The following CADM2 variants were observed in gnomAD, a reference collection of about 807,000 sequenced individuals.
CADM2 encodes the protein cell adhesion molecule 2.
CADM2 carries 12 observed loss-of-function variants against 49.8 expected under a neutral mutation model. That is an observed-to-expected ratio of 0.24 (90% CI 0.15 to 0.39). CADM2 has a LOEUF of 0.39. Among genes scored for constraint, CADM2 ranks in the 10% least tolerant of loss-of-function variants. CADM2 has a pLI of 1.00. For missense variants in CADM2, 378 were observed against 492.3 expected, an observed-to-expected ratio of 0.77 and a Z score of 2.20; for synonymous variants, 214 against 175.4, an observed-to-expected ratio of 1.22 and a Z score of -1.74.
intron 1 of CADM2, among the ~76,000 whole-genome samples, chr3:85,199,039 A>G (rs2041417450): frequency 6.6e-6 from 1 of 151,838 alleles, no homozygotes; most frequent in South Asian, 2.1e-4. Flanking sequence ...TATAAATTTA[A>G]CTTCTATTAG....
rs951847100 is a variant in CADM2, at chr3:85,982,283, T to C, written c.970+20636T>C. ...AACTTTACACCATGGATGCTTAAAG[T>C]GCTCAGATAATTTATTTTTCCCTTA... On this transcript the variant is annotated intron_variant, in intron 8 of 9. Coordinates refer to ENST00000383699, the MANE Select transcript of CADM2 (RefSeq NM_001167675.2). 2.0e-5 allele frequency among the ~76,000 whole-genome samples: 3 copies of C among 151,670 alleles called. No individual in the cohort carries two copies. In the East Asian group the frequency reaches 5.8e-4, roughly 29 times the overall value.
At chr3:85,674,780 A>G (rs1243003117) in intron 1 of CADM2, among the ~76,000 whole-genome samples, 4 of 152,146 alleles carry the variant, frequency 2.6e-5, no homozygotes, top group African/African-American at 9.6e-5. Flanking sequence ...CTTTCTTACC[A>G]CATTCATATC....
chr3:85,137,813 A>C (rs1033445922), intron 1 of CADM2, among the ~76,000 whole-genome samples: 1 of 152,134 alleles, frequency 6.6e-6, no homozygotes, highest in African/African-American at 2.4e-5. Context: ...CATCAAGAAT[A>C]TTTTGGCTGA....
At position 85,361,252 on chromosome 3, in the gene CADM2, A is replaced by G. The variant is rs962555834; in HGVS notation, c.62-365270A>G. 3.3e-5 allele frequency among the ~76,000 whole-genome samples: 5 copies of G among 152,306 alleles called. No individual in the cohort carries two copies. In the South Asian group the frequency reaches 8.3e-4, roughly 25 times the overall value. ...GGGGCAGAGGCAGCAGCGAGAGAGGAACTTTTTAAATAATATTTTCATGGA... is the reference window on the plus strand; with the variant it reads ...GGGGCAGAGGCAGCAGCGAGAGAGGGACTTTTTAAATAATATTTTCATGGA... On this transcript the variant is annotated intron_variant, in intron 1 of 9. Transcript: ENST00000383699.
intron 6 of CADM2, among the ~76,000 whole-genome samples, chr3:85,924,217 A>G (rs533503562): frequency 2.6e-5 from 4 of 152,324 alleles, no homozygotes; most frequent in African/African-American, 9.6e-5. Context: ...AAGAACACAA[A>G]TTATGAAATA....
At chr3:86,041,982 G>T (rs995664655) in intron 8 of CADM2, among the ~76,000 whole-genome samples, 2 of 151,970 alleles carry the variant, frequency 1.3e-5, no homozygotes, top group African/African-American at 4.8e-5. Flanking sequence ...ATGACTACAG[G>T]GTACATAATG....
At chr3:85,908,959 C>T (rs1228064486) in intron 5 of CADM2, among the ~76,000 whole-genome samples, 4 of 152,048 alleles carry the variant, frequency 2.6e-5, no homozygotes, top group African/African-American at 9.7e-5. Flanking sequence ...ATCCTGACCT[C>T]GTGATCCTCC....
intron 1 of CADM2, among the ~76,000 whole-genome samples, chr3:85,119,557 G>A (rs1279474708): frequency 2.0e-5 from 3 of 152,020 alleles, no homozygotes; most frequent in Admixed American, 6.6e-5. Flanking sequence ...TTAGCTTGAT[G>A]GGGATAGCAC....
intron 1 of CADM2, among the ~76,000 whole-genome samples, chr3:84,990,708 G>A (rs1047293496): frequency 6.6e-6 from 1 of 152,054 alleles, no homozygotes; most frequent in Non-Finnish European, 1.5e-5. Flanking sequence ...AGGAATCAAA[G>A]TGATTGATAA....
intron 1 of CADM2, among the ~76,000 whole-genome samples, chr3:85,306,605 T>A (rs1047774696): frequency 5.9e-5 from 9 of 151,742 alleles, no homozygotes; most frequent in Non-Finnish European, 3.0e-5. Context: ...GCCTCAACAA[T>A]ATTTATTTGT....
At chr3:85,921,345 A>G (rs1269169747) in intron 6 of CADM2, among the ~76,000 whole-genome samples, 8 of 151,700 alleles carry the variant, frequency 5.3e-5, no homozygotes, top group African/African-American at 1.9e-4. Context: ...CATACACACA[A>G]TTTCCATGAG....
intron 1 of CADM2, among the ~76,000 whole-genome samples, chr3:85,311,258 G>A (rs1221929663): frequency 6.6e-6 from 1 of 151,880 alleles, no homozygotes; most frequent in African/African-American, 2.4e-5. Context: ...TTTAAAGCAT[G>A]CTGTTTTGCT....
chr3:85,611,950 T>A (rs1190372916), intron 1 of CADM2, among the ~76,000 whole-genome samples: 3 of 151,546 alleles, frequency 2.0e-5, no homozygotes, highest in African/African-American at 7.3e-5. Flanking sequence ...AAAATTAACT[T>A]CTCCAGGAAG....
chr3:85,433,296 A>G (rs903501677), intron 1 of CADM2, among the ~76,000 whole-genome samples: 4 of 152,132 alleles, frequency 2.6e-5, no homozygotes, highest in African/African-American at 4.8e-5. Flanking sequence ...ACATCTGTCT[A>G]TAGTGATAAT....
chr3:85,854,280 T>A (rs1352297723), intron 3 of CADM2, among the ~76,000 whole-genome samples: 1 of 152,168 alleles, frequency 6.6e-6, no homozygotes, highest in East Asian at 1.9e-4. Flanking sequence ...CACTACTGGG[T>A]ATATACCCAA....
intron 1 of CADM2, among the ~76,000 whole-genome samples, chr3:85,007,353 C>G (rs555321391): frequency 6.6e-6 from 1 of 152,126 alleles, no homozygotes; most frequent in South Asian, 2.1e-4. Flanking sequence ...GTCTCTGTGG[C>G]AACTACTCAT....
intron 1 of CADM2, among the ~76,000 whole-genome samples, chr3:85,140,481 A>T (rs1171832400): frequency 6.6e-6 from 1 of 152,184 alleles, no homozygotes; most frequent in Non-Finnish European, 1.5e-5. Context: ...CTTAGAATAA[A>T]TATTTAAAAC....
At chr3:85,128,037 A>C (rs1171714876) in intron 1 of CADM2, among the ~76,000 whole-genome samples, 1 of 152,184 alleles carries the variant, frequency 6.6e-6, no homozygotes, top group Admixed American at 6.5e-5. Flanking sequence ...GTGGCTAATG[A>C]TTACGGTGGT....
chr3:86,038,155 C>T (rs139092021), intron 8 of CADM2, among the ~76,000 whole-genome samples: 8 of 149,864 alleles, frequency 5.3e-5, no homozygotes, highest in African/African-American at 2.0e-4. Flanking sequence ...CTTGTTGATA[C>T]AAAAAAAAAG....
Sources: allele counts gnomAD v4.1 joint callset (sites outside exome capture counted in the v4.1 genomes callset), GRCh38; gene constraint gnomAD v4.1.1; transcripts MANE v1.5; gene names NCBI Gene and HGNC (gene_info 2026-07-23, HGNC 2026-07-21).